AKAP9: variants seen among roughly 807,000 people sequenced by gnomAD.
AKAP9 encodes A-kinase anchoring protein 9.
A neutral mutation model predicts 488.5 loss-of-function variants in AKAP9; 311 were observed. The observed-to-expected ratio is 0.64, with a 90% confidence interval of 0.58 to 0.70. The LOEUF (loss-of-function observed/expected upper bound fraction) is 0.70, where lower values mean the gene tolerates loss of function less well. Among genes scored for constraint, AKAP9 ranks in the 30% least tolerant of loss-of-function variants. The pLI, the probability that AKAP9 is intolerant of heterozygous loss-of-function variation, is 0.00. For synonymous variants in AKAP9, 1,462 were observed against 1,483.5 expected (o/e 0.99, Z 0.33); for missense variants, 4,215 against 4,374.5 (o/e 0.96, Z 1.03).
intron 3 of AKAP9, among the ~76,000 whole-genome samples, chr7:91,989,261 C>T (rs183441206): frequency 8.2e-4 from 125 of 152,158 alleles, no homozygotes; most frequent in Non-Finnish European, 1.6e-3. Context: ...GACTAGTACA[C>T]TCATTGGGTT....
intron 22 of AKAP9, 102 bp from the exon 23 acceptor site, chr7:92,061,158 A>G (rs1809711196): frequency 1.2e-5 from 16 of 1,324,724 alleles, no homozygotes; most frequent in Non-Finnish European, 1.5e-5. Context: ...TCAGTAGTAT[A>G]TCTTTATTTT....
At chr7:91,956,182 C>T (rs1326101045) in intron 1 of AKAP9, among the ~76,000 whole-genome samples, 1 of 151,536 alleles carries the variant, frequency 6.6e-6, no homozygotes, top group South Asian at 2.1e-4. Context: ...GGGCGGATCA[C>T]GAGGTCAGGA....
intron 31 of AKAP9, among the ~76,000 whole-genome samples, chr7:92,080,482 C>CAGCT (rs535143648): frequency 6.6e-6 from 1 of 151,876 alleles, no homozygotes; most frequent in Non-Finnish European, 1.5e-5. Context: ...CCTGTAGTCC[C>CAGCT]AGCTACTCGG....
intron 9 of AKAP9, among the ~76,000 whole-genome samples, chr7:92,013,825 T>C (rs1255436385): frequency 6.6e-6 from 1 of 151,124 alleles, no homozygotes; most frequent in Non-Finnish European, 1.5e-5. Flanking sequence ...GGCTAATGAA[T>C]AGGTCCATTA....
intron 28 of AKAP9, among the ~76,000 whole-genome samples, chr7:92,075,748 C>T (rs1223777441): frequency 1.3e-5 from 2 of 152,156 alleles, no homozygotes; most frequent in South Asian, 2.1e-4. Context: ...CAGTGCTTAG[C>T]GGTAAACTGT....
At chr7:91,983,727 T>C (rs1211072148) in intron 3 of AKAP9, among the ~76,000 whole-genome samples, 1 of 152,250 alleles carries the variant, frequency 6.6e-6, no homozygotes. Flanking sequence ...TCTTCCACAA[T>C]GGTTGAACTA....
In AKAP9 at chr7:92,038,438, T is replaced by G. The variant is rs1171083829; in HGVS notation, c.4358T>G (p.Ile1453Arg). The G allele has an allele frequency of 5.0e-6, 8 of 1,613,256 alleles. No individual in the cohort carries two copies. Among genetic ancestry groups the G allele is most frequent in the African/African-American group, 1.3e-5 (1 of 75,040 alleles). The change falls in exon 17 of 50, where the codon ATA becomes AGA. Residue 1453 changes from isoleucine to arginine, a missense_variant. Around this residue, in one of 5 missense-constraint regions of AKAP9, gnomAD observed 2,361 missense variants for 2,430.0 expected, o/e 0.97. Transcript: ENST00000356239. Reference sequence around the variant, plus strand: ...CTTTAGGTTATTGTGTCAATGAGTATAGCATTTGCTCAACAAACTGAACTG... The same window carrying G: ...CTTTAGGTTATTGTGTCAATGAGTAGAGCATTTGCTCAACAAACTGAACTG... ...EVAKVIVSMS[I>R]AFAQQTELSR...
intron 14 of AKAP9, among the ~76,000 whole-genome samples, chr7:92,023,414 A>T (rs549911738): frequency 6.6e-6 from 1 of 152,138 alleles, no homozygotes; most frequent in Admixed American, 6.6e-5. Flanking sequence ...CTCATGTTCA[A>T]ATTCACCACG....
At chr7:92,092,929 G>T in intron 38 of AKAP9, 168 bp from the exon 39 acceptor site, 1 of 611,778 alleles carries the variant, frequency 1.6e-6, no homozygotes, top group Non-Finnish European at 2.8e-6. Context: ...GGGATTACAG[G>T]TGTGAGCCAC....
At position 91,941,062 on chromosome 7, in the gene AKAP9, C is replaced by T. The variant is rs760870750; in HGVS notation, c.-38C>T. ...CTTTCCTTTCTATCCCCAACCACCC[C>T]TCAACCCCTGTTTTCCCCTGCCTTC... is the stretch of plus-strand genomic sequence containing the variant. On this transcript the variant is annotated 5_prime_UTR_variant, in exon 1 of 50. Transcript: ENST00000356239. 8 of 1,600,332 alleles carry T rather than the reference C, an allele frequency of 5.0e-6. No individual in the cohort carries two copies. Among genetic ancestry groups the T allele is most frequent in the Non-Finnish European group, 6.0e-6 (7 of 1,167,418 alleles).
Position 92,093,205 on chromosome 7 carries a change from C to T in AKAP9, c.9467C>T (p.Ser3156Phe). ...ACGGAACTGCAGGAGCAGCTGAGTT[C>T]TGAGAAAATGGTGGTTGCTGAACTG... The part of the protein sequence containing the change: ...RATELQEQLS[S>F]EKMVVAELKS... Residue 3156 changes from serine to phenylalanine, a missense_variant, in exon 39 of 50, where the codon TCT becomes TTT. This residue lies in a region of AKAP9 where 1,476 missense variants were observed against 1,477.4 expected (regional missense o/e 1.00). Transcript: ENST00000356239. 6.2e-7 allele frequency: 1 copy of T among 1,614,164 alleles called. No individual in the cohort carries two copies.
At chr7:92,054,846 A>G (rs892399347) in intron 22 of AKAP9, among the ~76,000 whole-genome samples, 8 of 151,970 alleles carry the variant, frequency 5.3e-5, no homozygotes, top group African/African-American at 1.9e-4. Flanking sequence ...ATGAAAAAGA[A>G]TGCTTAAGAG....
At chr7:92,021,938 ATTG>A (rs1204360177) in intron 12 of AKAP9, among the ~76,000 whole-genome samples, 13 of 152,224 alleles carry the variant, frequency 8.5e-5, no homozygotes, top group Admixed American at 6.5e-4. Context: ...TACTATAAAT[ATTG>A]TTATCAGCTT....
rs1289135412 is a variant in AKAP9, at chr7:92,065,163, T to C, written c.5978-68T>C. 19 of 1,054,820 alleles carry C rather than the reference T, an allele frequency of 1.8e-5. No individual in the cohort carries two copies. In the East Asian group the frequency reaches 4.7e-4, roughly 26 times the overall value. 65.3% of individuals were successfully genotyped at this position (1,054,820 alleles called of 1,614,324 possible). A position where few individuals can be genotyped will look rare whatever the true frequency, so the allele number is the denominator to read the frequency against. Reference sequence around the variant, plus strand: ...TGAACGTAAAATTTGGACATAGTTATCAGGGATTTCATTATCATAAGATCA... The same window carrying C: ...TGAACGTAAAATTTGGACATAGTTACCAGGGATTTCATTATCATAAGATCA... On this transcript the variant is annotated intron_variant, in intron 24 of 49. Coordinates refer to ENST00000356239, the MANE Select transcript of AKAP9 (RefSeq NM_005751.5).
chr7:92,002,782 G>A lies in AKAP9; in HGVS notation c.2865G>A (p.Leu955=), dbSNP rs763924466. ...TAACCAAGCGAGAGAAATTAGAGCT[G>A]TCACAGAGACTGTCTGATCTTTCTG... ...LEVTKREKLE[L]SQRLSDLSEQ... Residue 955 remains leucine, a synonymous_variant, in exon 8 of 50, where the codon CTG becomes CTA. Coordinates refer to ENST00000356239, the MANE Select transcript of AKAP9 (RefSeq NM_005751.5). The A allele has an allele frequency of 2.4e-5, 38 of 1,613,616 alleles. No homozygotes were observed. Among genetic ancestry groups the A allele is most frequent in the Non-Finnish European group, 3.1e-5 (37 of 1,179,742 alleles).
intron 15 of AKAP9, among the ~76,000 whole-genome samples, chr7:92,030,245 CT>C (rs1213879684): frequency 6.6e-6 from 1 of 152,114 alleles, no homozygotes; most frequent in Non-Finnish European, 1.5e-5. Context: ...TAAGATTTAT[CT>C]TGTTTTTTGT....
chr7:92,064,077 C>T (rs1810367232), intron 24 of AKAP9, among the ~76,000 whole-genome samples: 2 of 152,128 alleles, frequency 1.3e-5, no homozygotes, highest in Non-Finnish European at 2.9e-5. Context: ...CCACCATACC[C>T]AGCCATTTTG....
At chr7:92,106,530 G>C (rs1818539523) in intron 47 of AKAP9, among the ~76,000 whole-genome samples, 1 of 152,134 alleles carries the variant, frequency 6.6e-6, no homozygotes, top group Non-Finnish European at 1.5e-5. Context: ...TTAGTCATAT[G>C]GAAGAATTAG....
At chr7:92,050,605 T>C (rs1047665477) in intron 21 of AKAP9, among the ~76,000 whole-genome samples, 1 of 152,204 alleles carries the variant, frequency 6.6e-6, no homozygotes, top group African/African-American at 2.4e-5. Flanking sequence ...CTCTCTGATA[T>C]TTTTTAACAC....
Sources: allele counts gnomAD v4.1 joint callset (sites outside exome capture counted in the v4.1 genomes callset), GRCh38; gene constraint gnomAD v4.1.1; regional missense constraint gnomAD v4.1.1; transcripts MANE v1.5; gene names NCBI Gene and HGNC (gene_info 2026-07-23, HGNC 2026-07-21).